The following CAMTA1 variants were observed in gnomAD, a reference collection of about 807,000 sequenced individuals.
CAMTA1 encodes the protein calmodulin-binding transcription activator 1.
In CAMTA1, 27 loss-of-function variants were observed where a neutral mutation model predicts 170.9. The observed-to-expected ratio is 0.16, with a 90% CI of 0.12 to 0.22. The LOEUF (loss-of-function observed/expected upper bound fraction) is 0.22, where lower values mean the gene tolerates loss of function less well. Among genes scored for constraint, CAMTA1 ranks in the 10% least tolerant of loss-of-function variants. The probability of loss-of-function intolerance (pLI) is 1.00; values close to 1 mark genes in which losing one functional copy is unlikely to be tolerated. For missense variants in CAMTA1, 1,619 were observed against 2,217.2 expected, an observed-to-expected ratio of 0.73 and a Z score of 5.42; for synonymous variants, 833 against 891.5, an observed-to-expected ratio of 0.93 and a Z score of 1.17.
At chr1:7,152,290 C>T (rs1207309806) in intron 4 of CAMTA1, among the ~76,000 whole-genome samples, 1 of 152,172 alleles carries the variant, frequency 6.6e-6, no homozygotes, top group African/African-American at 2.4e-5. Flanking sequence ...GCTCCTACAT[C>T]TCCAGTACCT....
intron 3 of CAMTA1, among the ~76,000 whole-genome samples, chr1:7,062,486 C>A (rs1708366700): frequency 6.6e-6 from 1 of 152,188 alleles, no homozygotes; most frequent in East Asian, 1.9e-4. Flanking sequence ...GCGGCCGGTG[C>A]CAAGAAGGTT....
chr1:7,590,307 T>C (rs1285627567), intron 6 of CAMTA1, among the ~76,000 whole-genome samples: 1 of 151,994 alleles, frequency 6.6e-6, no homozygotes, highest in Non-Finnish European at 1.5e-5. Flanking sequence ...AGCAGTGAGA[T>C]AAAGGGAAGG....
intron 4 of CAMTA1, among the ~76,000 whole-genome samples, chr1:7,215,396 T>C (rs890389769): frequency 6.6e-6 from 1 of 152,246 alleles, no homozygotes; most frequent in African/African-American, 2.4e-5. Flanking sequence ...TGTAGTTTTT[T>C]GTTTGTTTGT....
intron 5 of CAMTA1, among the ~76,000 whole-genome samples, chr1:7,416,475 C>A (rs1290295436): frequency 6.6e-6 from 1 of 152,082 alleles, no homozygotes; most frequent in Non-Finnish European, 1.5e-5. Context: ...ATTCTTTTTT[C>A]TCTAAACTTC....
intron 1 of CAMTA1, among the ~76,000 whole-genome samples, chr1:6,809,679 C>G (rs1399050927): frequency 6.6e-6 from 1 of 152,034 alleles, no homozygotes; most frequent in Non-Finnish European, 1.5e-5. Flanking sequence ...GAGAAGGGGC[C>G]TGAGGGCAGA....
intron 3 of CAMTA1, among the ~76,000 whole-genome samples, chr1:7,090,749 G>A (rs1641357307): frequency 6.6e-6 from 1 of 152,164 alleles, no homozygotes; most frequent in African/African-American, 2.4e-5. Flanking sequence ...CTAGATTTAA[G>A]TTATCAGTAG....
intron 6 of CAMTA1, among the ~76,000 whole-genome samples, chr1:7,493,393 GCA>G (rs1270081260): frequency 1.7e-4 from 23 of 139,378 alleles, no homozygotes; most frequent in Non-Finnish European, 2.6e-4. Context: ...ACAAACACGT[GCA>G]CACACACAAA....
intron 16 of CAMTA1, among the ~76,000 whole-genome samples, chr1:7,742,400 T>C (rs1344904176): frequency 1.3e-5 from 2 of 152,196 alleles, no homozygotes; most frequent in East Asian, 1.9e-4. Context: ...GATATACTTA[T>C]ATATAACTAT....
At chr1:7,354,444 C>T (rs1416819711) in intron 5 of CAMTA1, among the ~76,000 whole-genome samples, 4 of 152,210 alleles carry the variant, frequency 2.6e-5, no homozygotes, top group Non-Finnish European at 5.9e-5. Context: ...CCACCGCGCC[C>T]GACCTACCAC....
intron 5 of CAMTA1, among the ~76,000 whole-genome samples, chr1:7,337,823 T>C (rs1039639596): frequency 2.1e-4 from 32 of 152,194 alleles, no homozygotes; most frequent in African/African-American, 7.7e-4. Context: ...GTTTCCAGCC[T>C]GTTGCCTAGT....
At chr1:6,942,936 C>G (rs929800406) in intron 3 of CAMTA1, among the ~76,000 whole-genome samples, 7 of 152,200 alleles carry the variant, frequency 4.6e-5, no homozygotes, top group Admixed American at 2.6e-4. Flanking sequence ...CCGAGCAGGG[C>G]ATGAGAAGGT....
intron 4 of CAMTA1, among the ~76,000 whole-genome samples, chr1:7,094,188 A>G (rs534899694): frequency 1.3e-5 from 2 of 152,236 alleles, no homozygotes; most frequent in Admixed American, 1.3e-4. Flanking sequence ...TTCTTGTCCC[A>G]GGAGAAGCAA....
intron 5 of CAMTA1, among the ~76,000 whole-genome samples, chr1:7,313,675 CAG>C (rs1435831717): frequency 1.3e-5 from 2 of 152,254 alleles, no homozygotes; most frequent in East Asian, 3.9e-4. Context: ...ATATGAAAGT[CAG>C]AGTTTGGGTA....
At chr1:7,149,245 C>A (rs1301065174) in intron 4 of CAMTA1, among the ~76,000 whole-genome samples, 1 of 152,224 alleles carries the variant, frequency 6.6e-6, no homozygotes, top group Admixed American at 6.5e-5. Context: ...GTGCTCCTCC[C>A]TGAAGGACAG....
intron 4 of CAMTA1, among the ~76,000 whole-genome samples, chr1:7,137,962 T>C (rs549403958): frequency 2.0e-5 from 3 of 152,308 alleles, no homozygotes; most frequent in East Asian, 1.9e-4. Context: ...CAGTTTGTCA[T>C]AGGGACTCAG....
chr1:7,329,908 A>G (rs1030445910), intron 5 of CAMTA1, among the ~76,000 whole-genome samples: 3 of 152,158 alleles, frequency 2.0e-5, no homozygotes, highest in Non-Finnish European at 2.9e-5. Context: ...CACATGATAC[A>G]AAAAGATATG....
chr1:7,189,273 A>G (rs1334737734), intron 4 of CAMTA1, among the ~76,000 whole-genome samples: 1 of 152,240 alleles, frequency 6.6e-6, no homozygotes, highest in African/African-American at 2.4e-5. Context: ...ATTGGAAAAT[A>G]CCATGCAGCA....
chr1:7,274,033 A>G (rs1347233716), intron 5 of CAMTA1, among the ~76,000 whole-genome samples: 1 of 152,200 alleles, frequency 6.6e-6, no homozygotes, highest in Non-Finnish European at 1.5e-5. Context: ...ATTCAAATTA[A>G]TGAAGTCAGG....
chr1:7,187,391 A>G (rs1472109029), intron 4 of CAMTA1, among the ~76,000 whole-genome samples: 3 of 152,208 alleles, frequency 2.0e-5, no homozygotes, highest in Non-Finnish European at 4.4e-5. Context: ...CATAAAATAC[A>G]CATTCTTTTA....
Sources: allele counts gnomAD v4.1 joint callset (sites outside exome capture counted in the v4.1 genomes callset), GRCh38; gene constraint gnomAD v4.1.1; transcripts MANE v1.5; gene names NCBI Gene and HGNC (gene_info 2026-07-23, HGNC 2026-07-21).